Variants in MYT1L observed in about 807,000 individuals in gnomAD.
MYT1L encodes myelin transcription factor 1-like protein.
Under a neutral mutation model 126.7 loss-of-function variants are expected in MYT1L, and 12 were observed. The observed-to-expected ratio is 0.09, with a 90% CI of 0.06 to 0.15. The LOEUF (loss-of-function observed/expected upper bound fraction) is 0.15, where lower values mean the gene tolerates loss of function less well. Among genes scored for constraint, MYT1L ranks in the 10% least tolerant of loss-of-function variants. The probability of loss-of-function intolerance (pLI) is 1.00; values close to 1 mark genes in which losing one functional copy is unlikely to be tolerated. For synonymous variants in MYT1L, 541 were observed against 604.2 expected (o/e 0.90, Z 1.53); for missense variants, 979 against 1,585.2 (o/e 0.62, Z 6.49).
At chr2:1,868,228 G>A (rs1335725976) in intron 18 of MYT1L, among the ~76,000 whole-genome samples, 1 of 152,204 alleles carries the variant, frequency 6.6e-6, no homozygotes, top group African/African-American at 2.4e-5. Context: ...CTCCCAAAGT[G>A]CTGGGATTAC....
intron 9 of MYT1L, among the ~76,000 whole-genome samples, chr2:1,940,424 C>A (rs1273716286): frequency 6.6e-6 from 1 of 150,954 alleles, no homozygotes. Context: ...CTGTCTCACA[C>A]TGCTAGCAGG....
chr2:2,282,371 T>G (rs1396802406), intron 2 of MYT1L, among the ~76,000 whole-genome samples: 1 of 152,258 alleles, frequency 6.6e-6, no homozygotes, highest in African/African-American at 2.4e-5. Flanking sequence ...AAATTTGTGC[T>G]ATGAGATTAG....
At chr2:2,038,820 C>G (rs538295377) in intron 4 of MYT1L, among the ~76,000 whole-genome samples, 1 of 152,264 alleles carries the variant, frequency 6.6e-6, no homozygotes, top group Admixed American at 6.5e-5. Context: ...CCTGAACCCA[C>G]ACCCCAGCTC....
intron 3 of MYT1L, among the ~76,000 whole-genome samples, chr2:2,158,289 C>A (rs1243035978): frequency 1.3e-5 from 2 of 152,108 alleles, no homozygotes; most frequent in Non-Finnish European, 2.9e-5. Flanking sequence ...ACTTCTGATT[C>A]CCTGCCATTG....
chr2:1,833,207 C>T (rs2040417925), intron 21 of MYT1L, among the ~76,000 whole-genome samples: 1 of 152,148 alleles, frequency 6.6e-6, no homozygotes, highest in Non-Finnish European at 1.5e-5. Context: ...TTGGCCTTGC[C>T]CCAGTGCCCG....
intron 3 of MYT1L, among the ~76,000 whole-genome samples, chr2:2,142,833 C>T (rs1177785026): frequency 4.0e-5 from 6 of 151,710 alleles, no homozygotes; most frequent in Non-Finnish European, 5.9e-5. Flanking sequence ...ATTACAGGCA[C>T]GCACCACCAT....
chr2:1,826,428 G>A (rs937370630), intron 21 of MYT1L, among the ~76,000 whole-genome samples: 1 of 152,156 alleles, frequency 6.6e-6, no homozygotes, highest in Non-Finnish European at 1.5e-5. Context: ...AACAAAGCAG[G>A]GTCGCGCTCC....
chr2:2,299,610 C>T (rs979705596), intron 1 of MYT1L, among the ~76,000 whole-genome samples: 4 of 152,186 alleles, frequency 2.6e-5, no homozygotes, highest in Non-Finnish European at 4.4e-5. Context: ...TTACTAAGTA[C>T]GATACACTCC....
chr2:2,110,119 T>C (rs1028110077), intron 3 of MYT1L, among the ~76,000 whole-genome samples: 1 of 151,538 alleles, frequency 6.6e-6, no homozygotes, highest in Non-Finnish European at 1.5e-5. Flanking sequence ...TCTGAGGACC[T>C]TTGTCCCATT....
chr2:2,070,376 T>C (rs988085057), intron 3 of MYT1L, among the ~76,000 whole-genome samples: 4 of 152,216 alleles, frequency 2.6e-5, no homozygotes, highest in Non-Finnish European at 5.9e-5. Flanking sequence ...GGCTCTGTGC[T>C]GTGGGGTCGC....
At chr2:1,805,148 T>A (rs1040432509) in intron 22 of MYT1L, among the ~76,000 whole-genome samples, 1 of 152,184 alleles carries the variant, frequency 6.6e-6, no homozygotes, top group Non-Finnish European at 1.5e-5. Flanking sequence ...AGGTGATCCT[T>A]GTTGGGCAGA....
intron 8 of MYT1L, among the ~76,000 whole-genome samples, chr2:1,963,992 A>G (rs943698206): frequency 5.3e-5 from 8 of 152,202 alleles, no homozygotes; most frequent in African/African-American, 1.7e-4. Flanking sequence ...CTTTTGGCCA[A>G]TATTGGCTTT....
intron 4 of MYT1L, among the ~76,000 whole-genome samples, chr2:2,018,167 GTTTGA>G (rs2064636088): frequency 6.6e-6 from 1 of 152,190 alleles, no homozygotes; most frequent in Admixed American, 6.6e-5. Flanking sequence ...CACTAAGCAG[GTTTGA>G]TTTTTCTTTC....
chr2:2,030,734 C>A (rs1396968975), intron 4 of MYT1L, among the ~76,000 whole-genome samples: 1 of 152,134 alleles, frequency 6.6e-6, no homozygotes, highest in African/African-American at 2.4e-5. Flanking sequence ...TTTGGTAAAA[C>A]CTGCCTGTAA....
chr2:1,881,783 T>G (rs1192499097), intron 18 of MYT1L, among the ~76,000 whole-genome samples: 2 of 151,734 alleles, frequency 1.3e-5, no homozygotes, highest in Non-Finnish European at 2.9e-5. Context: ...TAAAAATAAA[T>G]TCTCTGTGTG....
At chr2:1,924,962 CT>C (rs759117002) in intron 9 of MYT1L, among the ~76,000 whole-genome samples, 1 of 152,154 alleles carries the variant, frequency 6.6e-6, no homozygotes, top group Non-Finnish European at 1.5e-5. Flanking sequence ...AATTTATGCA[CT>C]TTGTTATATT....
intron 2 of MYT1L, among the ~76,000 whole-genome samples, chr2:2,204,896 A>AT: frequency 6.6e-6 from 1 of 151,936 alleles, no homozygotes; most frequent in African/African-American, 2.4e-5. Flanking sequence ...GATTAAGAAA[A>AT]TGTGGCACAT....
chr2:1,928,936 G>A (rs930702056), intron 9 of MYT1L, among the ~76,000 whole-genome samples: 1 of 152,162 alleles, frequency 6.6e-6, no homozygotes, highest in Non-Finnish European at 1.5e-5. Flanking sequence ...TGGGTAGGAG[G>A]GTGGGAGACA....
At chr2:1,812,304 A>G (rs939156871) in intron 21 of MYT1L, among the ~76,000 whole-genome samples, 3 of 152,194 alleles carry the variant, frequency 2.0e-5, no homozygotes, top group African/African-American at 7.2e-5. Flanking sequence ...TATTGAATTG[A>G]CTGTGTTTGT....
Sources: gnomAD v4.1 joint callset for allele counts (sites outside exome capture counted in the v4.1 genomes callset) on GRCh38, gnomAD v4.1.1 for gene constraint, MANE v1.5 for transcripts, NCBI Gene and HGNC (gene_info 2026-07-23, HGNC 2026-07-21) for gene names.